CTNNA1: variants seen among roughly 807,000 people sequenced by gnomAD.
CTNNA1 encodes catenin alpha-1.
CTNNA1 carries 37 observed loss-of-function variants against 98.4 expected under a neutral mutation model. The observed-to-expected ratio is 0.38, with a 90% CI of 0.29 to 0.49. The LOEUF is 0.49. CTNNA1 is among the 20% of genes least tolerant of loss of function. The probability of loss-of-function intolerance (pLI) is 0.95; values close to 1 mark genes in which losing one functional copy is unlikely to be tolerated. For missense variants in CTNNA1, 761 were observed against 1,147.2 expected (o/e 0.66, Z 4.86); for synonymous variants, 404 against 413.2 (o/e 0.98, Z 0.27).
chr5:138,803,928 G>C (rs1191384310), intron 3 of CTNNA1, among the ~76,000 whole-genome samples: 1 of 152,190 alleles, frequency 6.6e-6, no homozygotes, highest in Non-Finnish European at 1.5e-5. Flanking sequence ...GCTGATAGAA[G>C]GTGATCAGTA....
intron 1 of CTNNA1, among the ~76,000 whole-genome samples, chr5:138,781,039 T>A (rs1184467360): frequency 1.3e-5 from 2 of 152,166 alleles, no homozygotes; most frequent in East Asian, 3.8e-4. Flanking sequence ...TTTGACTAAG[T>A]GTGATTTGAA....
chr5:138,822,466 G>A lies in CTNNA1; in HGVS notation c.589-2064G>A, dbSNP rs3804203. 5.0e-3 allele frequency among the ~76,000 whole-genome samples: 758 copies of A among 152,280 alleles called. 7 individuals are homozygous for A. Among genetic ancestry groups the A allele is most frequent in the East Asian group, 0.042 (218 of 5,180 alleles). Reference sequence around the variant, plus strand: ...ATAGATACTTAGGAGGAATGCCAAAGCTGATTGCAAAGCATTTTTATAAAA... The same window carrying A: ...ATAGATACTTAGGAGGAATGCCAAAACTGATTGCAAAGCATTTTTATAAAA... On this transcript the variant is annotated intron_variant, in intron 5 of 17. Transcript: ENST00000302763.
At chr5:138,875,013 T>C in intron 7 of CTNNA1, 1 of 1,169,084 alleles carries the variant, frequency 8.6e-7, no homozygotes, top group Non-Finnish European at 1.3e-6. Context: ...ACCAGTTTCC[T>C]GTTTTCTGTG....
chr5:138,796,732 T>G (rs1255420591), intron 3 of CTNNA1, among the ~76,000 whole-genome samples: 4 of 152,324 alleles, frequency 2.6e-5, no homozygotes, highest in Admixed American at 6.5e-5. Context: ...TGAACATGTT[T>G]AAGATAGTTG....
At chr5:138,809,921 TTAAAC>T in intron 3 of CTNNA1, 112 bp from the exon 4 acceptor site, 2 of 1,336,330 alleles carry the variant, frequency 1.5e-6, no homozygotes, top group Non-Finnish European at 2.0e-6. Context: ...ATGAAAACTC[TTAAAC>T]TAAATTTGTG....
Position 138,934,316 on chromosome 5 carries a change from TAA to T in CTNNA1, c.*231_*232del, listed in dbSNP as rs1334893315. ...TAGCTGTATTTTTTGTATGCTTAAATAAAAATAAAAATTCATAACCAAAGAGA... is the reference window on the plus strand; with the variant it reads ...TAGCTGTATTTTTTGTATGCTTAAATAAATAAAAATTCATAACCAAAGAGA... On this transcript the variant is annotated 3_prime_UTR_variant, in exon 18 of 18. Coordinates refer to ENST00000302763, the MANE Select transcript of CTNNA1 (RefSeq NM_001903.5). 3 of 512,136 alleles carry T rather than the reference TAA, an allele frequency of 5.9e-6. No homozygotes were observed. Among genetic ancestry groups the T allele is most frequent in the Admixed American group, 7.3e-5 (2 of 27,424 alleles). 31.7% of individuals were successfully genotyped at this position (512,136 alleles called of 1,614,324 possible).
At chr5:138,869,037 A>G (rs1195802398) in intron 7 of CTNNA1, 1 of 148,094 alleles carries the variant, frequency 6.8e-6, no homozygotes, top group Non-Finnish European at 1.5e-5. Context: ...CCCACCCTCA[A>G]CCCATCTGCC....
chr5:138,794,677 A>T (rs984458747), intron 3 of CTNNA1, among the ~76,000 whole-genome samples: 30 of 152,262 alleles, frequency 2.0e-4, no homozygotes, highest in African/African-American at 7.2e-4. Context: ...AAGTGTGGAA[A>T]ACATTTTATT....
At chr5:138,781,034 C>CT (rs369397764) in intron 1 of CTNNA1, among the ~76,000 whole-genome samples, 1 of 152,142 alleles carries the variant, frequency 6.6e-6, no homozygotes, top group African/African-American at 2.4e-5. Flanking sequence ...TGATATTTGA[C>CT]TAAGTGTGAT....
At chr5:138,765,847 G>C (rs574577180) in intron 1 of CTNNA1, among the ~76,000 whole-genome samples, 2 of 151,398 alleles carry the variant, frequency 1.3e-5, no homozygotes, top group Admixed American at 1.3e-4. Flanking sequence ...TACTTGGGAG[G>C]CTGAGGCAGG....
In CTNNA1 at chr5:138,886,234, A is replaced by T. The variant is rs1581474079; in HGVS notation, c.1085A>T (p.Asp362Val). 3.1e-6 allele frequency: 5 copies of T among 1,611,326 alleles called. No homozygotes were observed. Among genetic ancestry groups the T allele is most frequent in the Non-Finnish European group, 4.2e-6 (5 of 1,178,724 alleles). The change falls in exon 8 of 18, where the codon GAT (aspartate) becomes GTT (valine). Residue 362 changes from aspartate (D) to valine (V), a missense_variant. By Grantham distance (152) the Asp-to-Val change is radical (BLOSUM62 -3). Around this residue, in one of 6 missense-constraint regions of CTNNA1, gnomAD observed 287 missense variants for 436.0 expected, o/e 0.66. Coordinates refer to ENST00000302763, the MANE Select transcript of CTNNA1 (RefSeq NM_001903.5). The stretch of plus-strand genomic sequence containing the variant: ...CAGGCTGGACGTAAAGAAAGAAGTG[A>T]TGCACTCAATTCTGCAATAGATAAA... ...MGNAGRKERSDALNSAIDKMT... is the reference protein window; with the variant it reads ...MGNAGRKERSVALNSAIDKMT...
chr5:138,894,725 T>C (rs1310280774), intron 9 of CTNNA1, among the ~76,000 whole-genome samples: 1 of 152,154 alleles, frequency 6.6e-6, no homozygotes, highest in East Asian at 1.9e-4. Context: ...ACCCATCCTG[T>C]GGCTTCTAGG....
chr5:138,845,990 G>T (rs909900857), intron 7 of CTNNA1, among the ~76,000 whole-genome samples: 1 of 151,956 alleles, frequency 6.6e-6, no homozygotes, highest in Non-Finnish European at 1.5e-5. Flanking sequence ...GAAGTGGCGC[G>T]ATCACGGCTC....
chr5:138,788,927 G>T (rs1475020344), intron 3 of CTNNA1, among the ~76,000 whole-genome samples: 1 of 152,178 alleles, frequency 6.6e-6, no homozygotes, highest in Non-Finnish European at 1.5e-5. Context: ...CTTCCCTATA[G>T]CTCATGGGCA....
intron 7 of CTNNA1, among the ~76,000 whole-genome samples, chr5:138,833,177 C>T (rs1192763036): frequency 6.6e-6 from 1 of 152,156 alleles, no homozygotes; most frequent in Admixed American, 6.5e-5. Flanking sequence ...ACATAAAGGA[C>T]CCTCAGTCTT....
chr5:138,925,975 G>T (rs887463123), intron 13 of CTNNA1, among the ~76,000 whole-genome samples: 1 of 152,130 alleles, frequency 6.6e-6, no homozygotes, highest in African/African-American at 2.4e-5. Context: ...TTGAGCTCCC[G>T]GCATACCGTC....
intron 7 of CTNNA1, among the ~76,000 whole-genome samples, chr5:138,852,476 C>G (rs1490861786): frequency 6.6e-6 from 1 of 151,598 alleles, no homozygotes; most frequent in East Asian, 1.9e-4. Context: ...GGGGGGTACA[C>G]ATTTGTCACT....
chr5:138,879,578 C>T (rs1004990770), intron 7 of CTNNA1, among the ~76,000 whole-genome samples: 7 of 152,050 alleles, frequency 4.6e-5, no homozygotes, highest in African/African-American at 1.7e-4. Flanking sequence ...AGTGATCCTC[C>T]AGAGTAGCTA....
Position 138,910,226 on chromosome 5 carries a change from CTTTTTTTTTTTTTTTTTT to C in CTNNA1, c.1389+5795_1389+5812del, listed in dbSNP as rs70982740. Among the ~76,000 whole-genome samples, 5 of 53,266 alleles carry C rather than the reference CTTTTTTTTTTTTTTTTTT, an allele frequency of 9.4e-5. No homozygotes were observed. The South Asian group carries it at 2.6e-3, about 27-fold the overall frequency. 34.9% of individuals were successfully genotyped at this position (53,266 alleles called of 152,430 possible). A position where few individuals can be genotyped will look rare whatever the true frequency, so the allele number is the denominator to read the frequency against. ...AAATTGGAAAGTGTTTCCTACTTTTCTTTTTTTTTTTTTTTTTTTTTTTTTTTGGAAAAATCTGTGTAT... is the reference window on the plus strand; with the variant it reads ...AAATTGGAAAGTGTTTCCTACTTTTCTTTTTTTTTGGAAAAATCTGTGTAT... On this transcript the variant is annotated intron_variant, in intron 10 of 17. Transcript: ENST00000302763.
Sources: allele counts gnomAD v4.1 joint callset (sites outside exome capture counted in the v4.1 genomes callset), GRCh38; gene constraint gnomAD v4.1.1; regional missense constraint gnomAD v4.1.1; transcripts MANE v1.5; gene names NCBI Gene and HGNC (gene_info 2026-07-23, HGNC 2026-07-21).